The following LEF1 variants were observed in gnomAD, a reference collection of about 807,000 sequenced individuals.
LEF1 encodes the protein lymphoid enhancer-binding factor 1.
In LEF1, 14 loss-of-function variants were observed where a neutral mutation model predicts 51.2. The ratio of observed to expected loss-of-function variants is 0.27; its 90% CI spans 0.18 to 0.43. The LOEUF is 0.43. Among genes scored for constraint, LEF1 ranks in the 20% least tolerant of loss-of-function variants. The pLI is 1.00. For missense variants in LEF1, 386 were observed against 512.0 expected (o/e 0.75, Z 2.37); for synonymous variants, 185 against 183.2 (o/e 1.01, Z -0.08).
chr4:108,149,414 G>A (rs1386308087), intron 3 of LEF1, among the ~76,000 whole-genome samples: 6 of 129,074 alleles, frequency 4.6e-5, no homozygotes, highest in Admixed American at 2.7e-4. Context: ...AGCCGAGGTC[G>A]TGCCACTGCA....
At chr4:108,085,076 CTATTT>C (rs553378973) in intron 4 of LEF1, among the ~76,000 whole-genome samples, 4 of 152,132 alleles carry the variant, frequency 2.6e-5, no homozygotes, top group African/African-American at 4.8e-5. Flanking sequence ...TCTGAATTAT[CTATTT>C]TATTTTATTT....
chr4:108,135,734 T>TA (rs1341615180), intron 3 of LEF1, among the ~76,000 whole-genome samples: 1 of 152,176 alleles, frequency 6.6e-6, no homozygotes, highest in Non-Finnish European at 1.5e-5. Flanking sequence ...GAGTTGTTTT[T>TA]AGGCAAGTGG....
intron 3 of LEF1, among the ~76,000 whole-genome samples, chr4:108,098,010 G>A (rs1036726437): frequency 2.6e-4 from 39 of 152,124 alleles, no homozygotes; most frequent in African/African-American, 5.8e-4. Flanking sequence ...GAGAGGGAGG[G>A]CACTGTTTGG....
intron 2 of LEF1, among the ~76,000 whole-genome samples, 175 bp from the exon 3 acceptor site, chr4:108,163,876 C>G (rs944517601): frequency 3.3e-5 from 5 of 152,194 alleles, no homozygotes; most frequent in Non-Finnish European, 5.9e-5. Flanking sequence ...TATTTATTCT[C>G]TTAAATAGCT....
intron 3 of LEF1, among the ~76,000 whole-genome samples, chr4:108,118,161 A>C (rs1207973924): frequency 6.6e-6 from 1 of 152,256 alleles, no homozygotes; most frequent in African/African-American, 2.4e-5. Context: ...ACCAAAGTCC[A>C]TGATCCTTTT....
chr4:108,163,730 T>G, intron 2 of LEF1, 29 bp from the exon 3 acceptor site: 1 of 1,607,106 alleles, frequency 6.2e-7, no homozygotes, highest in Non-Finnish European at 8.5e-7. Flanking sequence ...CAATCAATGA[T>G]GCACTGACTT....
chr4:108,168,154 C>G lies in LEF1; in HGVS notation c.-387G>C, dbSNP rs113217086. The G allele has an allele frequency of 0.019, 2,833 of 152,524 alleles. 43 individuals carry two copies. The highest frequency in any genetic ancestry group is 0.045 in the Middle Eastern group (13 of 292). 9.4% of individuals were successfully genotyped at this position (152,524 alleles called of 1,614,324 possible). A position where few individuals can be genotyped will look rare whatever the true frequency, so the allele number is the denominator to read the frequency against. ...GCCGGGATTTGCGCGCGGAGAACGC[C>G]GGTTCTGGAGGGAGCACGCCTCCCC... On this transcript the variant is annotated 5_prime_UTR_variant, in exon 1 of 12. Transcript: ENST00000265165. The surrounding 1 kb of genome is among the most constrained non-coding windows in gnomAD (Gnocchi z 4.6).
At chr4:108,104,816 G>T in intron 3 of LEF1, 1 of 288,938 alleles carries the variant, frequency 3.5e-6, no homozygotes, top group Non-Finnish European at 5.2e-6. Flanking sequence ...GCATCAATCT[G>T]ACTCTCTGGG....
At position 108,070,653 on chromosome 4, in the gene LEF1, A is replaced by C; in HGVS notation, c.1116+10T>G. The C allele has an allele frequency of 6.4e-7, 1 of 1,573,748 alleles. No individual in the cohort carries two copies. The highest frequency in any genetic ancestry group is 2.2e-5 in the East Asian group (1 of 44,692). On this transcript the variant is annotated intron_variant, in intron 9 of 11. Transcript: ENST00000265165. ...GAGTGGAGAGCCACTGGTATGGAGG[A>C]GGGGCTTACATAATTGTCTCTTGCA...
intron 8 of LEF1, chr4:108,072,008 T>TGC (rs1738505854): frequency 6.6e-6 from 1 of 152,238 alleles, no homozygotes; most frequent in Admixed American, 6.5e-5. Context: ...CTCACCTGTG[T>TGC]GCACACACAA....
At chr4:108,051,905 C>T (rs1737019920) in intron 11 of LEF1, among the ~76,000 whole-genome samples, 1 of 152,160 alleles carries the variant, frequency 6.6e-6, no homozygotes. Context: ...GTCAACAGCA[C>T]CGACCCTGGG....
At chr4:108,083,191 T>C in intron 5 of LEF1, 165 bp downstream of exon 5, 1 of 629,542 alleles carries the variant, frequency 1.6e-6, no homozygotes, top group Non-Finnish European at 2.9e-6. Context: ...GTCTGTATGT[T>C]TTTTAATCTT....
chr4:108,075,284 G>C (rs1240735349), intron 8 of LEF1: 1 of 152,210 alleles, frequency 6.6e-6, no homozygotes, highest in East Asian at 1.9e-4. Context: ...GATAATGTAA[G>C]AGGGCCTGCT....
intron 3 of LEF1, among the ~76,000 whole-genome samples, chr4:108,102,793 G>A (rs1042999404): frequency 6.6e-6 from 1 of 152,146 alleles, no homozygotes; most frequent in African/African-American, 2.4e-5. Flanking sequence ...GTGTGGTATA[G>A]CTATGAATGA....
chr4:108,129,536 G>A (rs1290300641), intron 3 of LEF1, among the ~76,000 whole-genome samples: 5 of 152,110 alleles, frequency 3.3e-5, no homozygotes, highest in Non-Finnish European at 7.4e-5. Context: ...GGTCCTTCAT[G>A]AATAATGGAG....
chr4:108,166,423 T>A, intron 1 of LEF1: 1 of 1,418,094 alleles, frequency 7.1e-7, no homozygotes. Context: ...CCAAGTTTCT[T>A]TGGAGGGAAA....
chr4:108,092,935 A>AC (rs1307553650), intron 3 of LEF1, among the ~76,000 whole-genome samples: 6 of 148,626 alleles, frequency 4.0e-5, no homozygotes, highest in Admixed American at 6.8e-5. Context: ...AAAAAAAAAA[A>AC]AAAAAAAAAA....
At chr4:108,094,568 G>C (rs1331496131) in intron 3 of LEF1, among the ~76,000 whole-genome samples, 1 of 152,234 alleles carries the variant, frequency 6.6e-6, no homozygotes, top group Non-Finnish European at 1.5e-5. Context: ...CTCCCTACTG[G>C]CTAAGGCCTG....
chr4:108,059,321 G>A (rs1226897391), intron 11 of LEF1, among the ~76,000 whole-genome samples: 3 of 152,166 alleles, frequency 2.0e-5, no homozygotes, highest in Admixed American at 1.3e-4. Context: ...GATCTTTAAA[G>A]AAATGAAAAT....
Sources: gnomAD v4.1 joint callset for allele counts (sites outside exome capture counted in the v4.1 genomes callset) on GRCh38, gnomAD v4.1.1 for gene constraint, Gnocchi (gnomAD v3.1) non-coding constraint, MANE v1.5 for transcripts, NCBI Gene and HGNC (gene_info 2026-07-23, HGNC 2026-07-21) for gene names.